The following CC2D2B variants were observed in gnomAD, a reference collection of about 807,000 sequenced individuals.
CC2D2B encodes the protein coiled-coil and C2 domain containing 2B, also known as protein CC2D2B.
In CC2D2B, 128 loss-of-function variants were observed where a neutral mutation model predicts 161.2. The observed-to-expected ratio is 0.79, with a 90% CI of 0.69 to 0.92. The LOEUF (loss-of-function observed/expected upper bound fraction) is 0.92, where lower values mean the gene tolerates loss of function less well. Ranked by LOEUF, CC2D2B falls within the 40% of genes least tolerant of loss-of-function variation. The pLI, the probability that CC2D2B is intolerant of heterozygous loss-of-function variation, is 0.00. For synonymous variants in CC2D2B, 391 were observed against 449.8 expected (o/e 0.87, Z 1.65); for missense variants, 1,173 against 1,375.1 (o/e 0.85, Z 2.32).
At chr10:96,023,136 T>C (rs1170933005) in intron 32 of CC2D2B, among the ~76,000 whole-genome samples, 1 of 152,228 alleles carries the variant, frequency 6.6e-6, no homozygotes, top group African/African-American at 2.4e-5. Context: ...CAAGGGCTGC[T>C]GTGATCAAAA....
intron 6 of CC2D2B, among the ~76,000 whole-genome samples, chr10:95,927,987 C>T (rs1334888128): frequency 6.6e-6 from 1 of 152,122 alleles, no homozygotes; most frequent in Non-Finnish European, 1.5e-5. Flanking sequence ...TTCCTGTGTA[C>T]CTTCCAGTCT....
chr10:95,969,314 G>A (rs1014295364), intron 15 of CC2D2B, among the ~76,000 whole-genome samples: 5 of 151,774 alleles, frequency 3.3e-5, no homozygotes, highest in Admixed American at 2.0e-4. Flanking sequence ...TCCTTTTTTG[G>A]ATTTTTAGAT....
intron 20 of CC2D2B, among the ~76,000 whole-genome samples, chr10:95,989,985 G>A (rs770159153): frequency 6.6e-6 from 1 of 152,180 alleles, no homozygotes; most frequent in Non-Finnish European, 1.5e-5. Context: ...AGTGATGGCT[G>A]AGGCCAGGAT....
intron 5 of CC2D2B, 58 bp downstream of exon 5, chr10:95,924,902 C>T (rs1271664555): frequency 1.9e-6 from 2 of 1,047,784 alleles, no homozygotes; most frequent in African/African-American, 3.2e-5. Flanking sequence ...GTATAGTTTA[C>T]ATAGCAAAAC....
At chr10:95,989,316 A>G (rs990460510) in intron 20 of CC2D2B, among the ~76,000 whole-genome samples, 1 of 152,152 alleles carries the variant, frequency 6.6e-6, no homozygotes, top group African/African-American at 2.4e-5. Flanking sequence ...TTTACATCCA[A>G]TGTGAGGGGC....
At chr10:95,957,305 A>T (rs1470557242) in intron 11 of CC2D2B, among the ~76,000 whole-genome samples, 1 of 152,168 alleles carries the variant, frequency 6.6e-6, no homozygotes, top group East Asian at 1.9e-4. Context: ...AAGCCCCTCT[A>T]TCTCTGGATA....
Position 95,938,119 on chromosome 10 carries a change from T to C in CC2D2B, c.465T>C (p.Ala155=). The C allele has an allele frequency of 1.3e-6, 2 of 1,550,418 alleles. No homozygotes were observed. The highest frequency in any genetic ancestry group is 1.2e-5 in the South Asian group (1 of 84,030). Residue 155 remains alanine, a synonymous_variant, in exon 7 of 35, where the codon GCT becomes GCC. Coordinates refer to ENST00000646931, the MANE Select transcript of CC2D2B (RefSeq NM_001349008.3). The part of the protein sequence containing the change: ...ILTDILKVKA[A]DYEDDQEQIK... Reference sequence around the variant, plus strand: ...CAGATATACTCAAAGTAAAAGCTGCTGACTATGAAGATGATCAAGAACAAA... The same window carrying C: ...CAGATATACTCAAAGTAAAAGCTGCCGACTATGAAGATGATCAAGAACAAA...
At chr10:95,993,952 G>GTATATATATATA (rs1169560460) in intron 22 of CC2D2B, among the ~76,000 whole-genome samples, 1 of 18,158 alleles carries the variant, frequency 5.5e-5, no homozygotes, top group Non-Finnish European at 1.3e-4. Context: ...GTATGTATGT[G>GTATATATATATA]TATATATATA....
chr10:95,933,717 GAAC>G (rs1216479983), intron 6 of CC2D2B, among the ~76,000 whole-genome samples: 1 of 152,194 alleles, frequency 6.6e-6, no homozygotes, highest in East Asian at 1.9e-4. Context: ...AGAGGCTACA[GAAC>G]AGCAAAGATT....
At chr10:96,010,176 A>G (rs957009083) in intron 26 of CC2D2B, among the ~76,000 whole-genome samples, 6 of 152,332 alleles carry the variant, frequency 3.9e-5, no homozygotes, top group Middle Eastern at 3.4e-3. Context: ...ATTTGCATAT[A>G]AGAGTTCTAT....
At chr10:95,942,381 TA>T (rs1321287858) in intron 9 of CC2D2B, among the ~76,000 whole-genome samples, 1 of 152,178 alleles carries the variant, frequency 6.6e-6, no homozygotes, top group Non-Finnish European at 1.5e-5. Context: ...TTTTGCTTTT[TA>T]AAAAATTCTT....
chr10:95,925,186 G>C (rs1646778901), intron 5 of CC2D2B, among the ~76,000 whole-genome samples: 1 of 152,192 alleles, frequency 6.6e-6, no homozygotes, highest in African/African-American at 2.4e-5. Context: ...CCACTGTGCA[G>C]ATGGTTAGGG....
At chr10:95,940,879 A>G (rs190965241) in intron 9 of CC2D2B, among the ~76,000 whole-genome samples, 1 of 152,318 alleles carries the variant, frequency 6.6e-6, no homozygotes, top group African/African-American at 2.4e-5. Context: ...AAAAAATCCA[A>G]TAATTAATAA....
intron 2 of CC2D2B, chr10:95,919,885 T>C (rs2098523388): frequency 6.6e-6 from 1 of 151,898 alleles, no homozygotes; most frequent in Non-Finnish European, 1.5e-5. Flanking sequence ...AACTAAGTCC[T>C]CTCTGCTTTT....
chr10:95,924,287 C>T, intron 3 of CC2D2B, 27 bp from the exon 4 acceptor site: 2 of 1,271,454 alleles, frequency 1.6e-6, no homozygotes, highest in Non-Finnish European at 2.2e-6. Context: ...GTGTCATAAA[C>T]TCTTTATTAT....
intron 18 of CC2D2B, among the ~76,000 whole-genome samples, 154 bp from the exon 19 acceptor site, chr10:95,983,452 G>T (rs2077606049): frequency 6.6e-6 from 1 of 152,040 alleles, no homozygotes; most frequent in South Asian, 2.1e-4. Flanking sequence ...ATTCTATTTT[G>T]TTTTGTTTTT....
intron 12 of CC2D2B, among the ~76,000 whole-genome samples, chr10:95,962,488 CA>C (rs1390673417): frequency 6.6e-6 from 1 of 152,120 alleles, no homozygotes; most frequent in African/African-American, 2.4e-5. Flanking sequence ...AACAGTTTGG[CA>C]CATTCTTATA....
intron 9 of CC2D2B, among the ~76,000 whole-genome samples, chr10:95,946,970 C>G (rs907602942): frequency 6.6e-6 from 1 of 150,702 alleles, no homozygotes; most frequent in Non-Finnish European, 1.5e-5. Context: ...ATGAATCAGG[C>G]TGCATATGCT....
chr10:96,032,897 T>A lies in CC2D2B; in HGVS notation c.*889T>A. 2.4e-6 allele frequency: 1 copy of A among 416,622 alleles called. No individual in the cohort carries two copies. The highest frequency in any genetic ancestry group is 1.9e-5 in the South Asian group (1 of 52,986). The allele number at this position is 416,622 out of a possible 1,614,324, so 25.8% of individuals were successfully genotyped here. A position where few individuals can be genotyped will look rare whatever the true frequency, so the allele number is the denominator to read the frequency against. ...TCTGGCACTTTTTGCTGCTTTTCTTTCTTAGTAGTGGCTTATCTAGATCCT... is the reference window on the plus strand; with the variant it reads ...TCTGGCACTTTTTGCTGCTTTTCTTACTTAGTAGTGGCTTATCTAGATCCT... On this transcript the variant is annotated 3_prime_UTR_variant, in exon 35 of 35. Transcript: ENST00000646931.
Sources: gnomAD v4.1 joint callset for allele counts (sites outside exome capture counted in the v4.1 genomes callset) on GRCh38, gnomAD v4.1.1 for gene constraint, MANE v1.5 for transcripts, NCBI Gene and HGNC (gene_info 2026-07-23, HGNC 2026-07-21) for gene names.